Variants in KLHL29 observed in about 807,000 individuals in gnomAD.
KLHL29 encodes the protein kelch-like protein 29.
KLHL29 carries 21 observed loss-of-function variants against 80.4 expected under a neutral mutation model. The ratio of observed to expected loss-of-function variants is 0.26; its 90% CI spans 0.19 to 0.38. KLHL29 has a LOEUF of 0.38. Ranked by LOEUF, KLHL29 falls within the 10% of genes least tolerant of loss-of-function variation. The pLI, the probability that KLHL29 is intolerant of heterozygous loss-of-function variation, is 1.00. For missense variants in KLHL29, 867 were observed against 1,223.9 expected (o/e 0.71, Z 4.35); for synonymous variants, 511 against 526.8 (o/e 0.97, Z 0.41).
intron 1 of KLHL29, among the ~76,000 whole-genome samples, chr2:23,405,648 C>T (rs1666707856): frequency 6.6e-6 from 1 of 152,162 alleles, no homozygotes; most frequent in South Asian, 2.1e-4. Flanking sequence ...TCTGCAAGCT[C>T]AGCTCCCAAC....
At chr2:23,589,030 G>A (rs1020914724) in intron 3 of KLHL29, among the ~76,000 whole-genome samples, 14 of 152,248 alleles carry the variant, frequency 9.2e-5, no homozygotes, top group South Asian at 2.1e-4. Flanking sequence ...CTGGTTACAC[G>A]TGTGTTCCTC....
In KLHL29 at chr2:23,434,744, G is replaced by A. The variant is rs1663290245; in HGVS notation, c.-153-40816G>A. ...TGCTGTAAATAGTCATCCATAATGG[G>A]GCGAGGCTGGCTACACTGAGCCATT... On this transcript the variant is annotated intron_variant, in intron 1 of 13. Transcript: ENST00000486442. Among the ~76,000 whole-genome samples the A allele has an allele frequency of 2.6e-5, 4 of 152,304 alleles. No individual in the cohort carries two copies. In the South Asian group the frequency reaches 8.3e-4, roughly 32 times the overall value.
chr2:23,642,452 C>G lies in KLHL29; in HGVS notation c.542C>G (p.Pro181Arg). The G allele has an allele frequency of 2.0e-6, 3 of 1,507,320 alleles. No individual in the cohort carries two copies. The highest frequency in any genetic ancestry group is 2.7e-6 in the Non-Finnish European group (3 of 1,122,544). 93.4% of individuals were successfully genotyped at this position (1,507,320 alleles called of 1,614,324 possible). ...TFSPAVNVQA[P>R]VIGVTPSLPP... ...AGCCCGGCTGTGAACGTCCAGGCCC[C>G]GGTCATTGGGGTGACCCCCTCACTG... The change falls in exon 5 of 14, where the codon CCG (proline) becomes CGG (arginine). Residue 181 changes from proline to arginine, a missense_variant. By Grantham distance (103) the Pro-to-Arg change is moderately radical. Around this residue, in one of 2 missense-constraint regions of KLHL29, gnomAD observed 424 missense variants for 456.9 expected, o/e 0.93. Coordinates refer to ENST00000486442, the MANE Select transcript of KLHL29 (RefSeq NM_052920.2).
At chr2:23,672,049 T>C (rs1323778484) in intron 5 of KLHL29, 4 of 152,284 alleles carry the variant, frequency 2.6e-5, no homozygotes, top group Admixed American at 6.5e-5. Context: ...TAAATGCGAC[T>C]TATGGCAGAG....
Position 23,706,487 on chromosome 2 carries a change from G to T in KLHL29, c.2451G>T (p.Val817=). The change falls in exon 14 of 14, where the codon GTG becomes GTT. Residue 817 remains valine (V), a synonymous_variant. Coordinates refer to ENST00000486442, the MANE Select transcript of KLHL29 (RefSeq NM_052920.2). ...CCCCGCTTTCCCCCAACAGTGCTGT[G>T]GTGCTTGATGGCAAGATTTATGCAA... ...MNHSRQFCSA[V]VLDGKIYATG... 6.5e-7 allele frequency: 1 copy of T among 1,527,610 alleles called. No individual in the cohort carries two copies. The highest frequency in any genetic ancestry group is 8.8e-7 in the Non-Finnish European group (1 of 1,141,656). The allele number at this position is 1,527,610 out of a possible 1,614,324, so 94.6% of individuals were successfully genotyped here. A position where few individuals can be genotyped will look rare whatever the true frequency, so the allele number is the denominator to read the frequency against.
In KLHL29 at chr2:23,534,673, C is replaced by T. The variant is rs553418254; in HGVS notation, c.-45-27479C>T. ...GCAGGGCCCAGCTCTGTGTATGGCA[C>T]AGAGGCTCATAGAGTGGATGTGTTT... On this transcript the variant is annotated intron_variant, in intron 2 of 13. Coordinates refer to ENST00000486442, the MANE Select transcript of KLHL29 (RefSeq NM_052920.2). Among the ~76,000 whole-genome samples, 4 of 152,312 alleles carry T rather than the reference C, an allele frequency of 2.6e-5. No individual in the cohort carries two copies. The South Asian group carries it at 8.3e-4, about 32-fold the overall frequency.
intron 2 of KLHL29, among the ~76,000 whole-genome samples, chr2:23,523,305 C>T (rs1666164923): frequency 6.6e-6 from 1 of 152,182 alleles, no homozygotes; most frequent in Admixed American, 6.5e-5. Context: ...TTTTCCAACC[C>T]CTCTTATGAT....
chr2:23,429,695 A>T (rs1452620908), intron 1 of KLHL29, among the ~76,000 whole-genome samples: 1 of 152,084 alleles, frequency 6.6e-6, no homozygotes, highest in Non-Finnish European at 1.5e-5. Context: ...CAGAAGTTTC[A>T]GTGAGCTGAG....
chr2:23,628,577 A>G (rs983865556), intron 3 of KLHL29, among the ~76,000 whole-genome samples: 1 of 152,184 alleles, frequency 6.6e-6, no homozygotes, highest in African/African-American at 2.4e-5. Context: ...GCTTGAGCCC[A>G]GGAGTTTGAG....
At chr2:23,390,692 C>T (rs183319027) in intron 1 of KLHL29, among the ~76,000 whole-genome samples, 264 of 136,378 alleles carry the variant, frequency 1.9e-3, no homozygotes, top group African/African-American at 7.0e-3. Context: ...CACTCTGTCA[C>T]TCAGGCTGGA....
intron 5 of KLHL29, among the ~76,000 whole-genome samples, chr2:23,654,910 C>A (rs189274632): frequency 2.0e-5 from 3 of 152,308 alleles, no homozygotes; most frequent in African/African-American, 7.2e-5. Flanking sequence ...TCCGCCACAC[C>A]ACACCTTGGG....
chr2:23,645,428 T>C (rs1669893066), intron 5 of KLHL29, among the ~76,000 whole-genome samples: 1 of 152,096 alleles, frequency 6.6e-6, no homozygotes, highest in East Asian at 1.9e-4. Context: ...CTCTGCGTGA[T>C]GGCGTCAACA....
chr2:23,449,632 A>G (rs191441619), intron 1 of KLHL29, among the ~76,000 whole-genome samples: 11 of 152,280 alleles, frequency 7.2e-5, no homozygotes, highest in Admixed American at 3.9e-4. Flanking sequence ...TGAAATGTGC[A>G]TGCATTTTCC....
At chr2:23,455,466 G>A (rs1352803498) in intron 1 of KLHL29, among the ~76,000 whole-genome samples, 1 of 152,172 alleles carries the variant, frequency 6.6e-6, no homozygotes, top group Admixed American at 6.5e-5. Flanking sequence ...AAATAAATAA[G>A]TGGAAATCCA....
chr2:23,692,727 TC>T lies in KLHL29; in HGVS notation c.1283-539del, dbSNP rs1304521433. ...TGGGTAAACAGGATACGGAGATGGC[TC>T]CCACCCCAGACCTAGCCACTAAGCC... is the stretch of plus-strand genomic sequence containing the variant. On this transcript the variant is annotated intron_variant, in intron 7 of 13. Transcript: ENST00000486442. Among the ~76,000 whole-genome samples, 41 of 151,402 alleles carry T rather than the reference TC, an allele frequency of 2.7e-4. 2 individuals are homozygous for T. The East Asian group carries it at 7.2e-3, about 27-fold the overall frequency.
chr2:23,638,085 T>TAAAAA (rs553356362), intron 3 of KLHL29, among the ~76,000 whole-genome samples: 7 of 111,596 alleles, frequency 6.3e-5, no homozygotes, highest in Admixed American at 9.3e-5. Flanking sequence ...ATGGCCATAG[T>TAAAAA]AAAAAAAAAA....
intron 3 of KLHL29, among the ~76,000 whole-genome samples, chr2:23,592,222 A>G (rs1668282924): frequency 6.7e-6 from 1 of 150,090 alleles, no homozygotes; most frequent in Non-Finnish European, 1.5e-5. Context: ...CCAGGGGCAC[A>G]GGAGCACGTC....
chr2:23,428,717 G>A (rs759258009), intron 1 of KLHL29, among the ~76,000 whole-genome samples: 10 of 152,060 alleles, frequency 6.6e-5, no homozygotes, highest in African/African-American at 1.2e-4. Flanking sequence ...CCCTCTTCTC[G>A]TGCCCAAACC....
At chr2:23,552,290 C>T (rs1667150830) in intron 2 of KLHL29, among the ~76,000 whole-genome samples, 1 of 152,132 alleles carries the variant, frequency 6.6e-6, no homozygotes, top group African/African-American at 2.4e-5. Context: ...GCTGGCTGTG[C>T]GCGTGGCATT....
Sources: allele counts gnomAD v4.1 joint callset (sites outside exome capture counted in the v4.1 genomes callset), GRCh38; gene constraint gnomAD v4.1.1; regional missense constraint gnomAD v4.1.1; transcripts MANE v1.5; gene names NCBI Gene and HGNC (gene_info 2026-07-23, HGNC 2026-07-21).